Variants in ZNF322 observed in about 807,000 individuals in gnomAD.
ZNF322 encodes HLA complex group 12.
A neutral mutation model predicts 18.3 loss-of-function variants in ZNF322; 1 was observed. The observed-to-expected ratio is 0.05, with a 90% CI of 0.02 to 0.26. The LOEUF (loss-of-function observed/expected upper bound fraction) is 0.26. Ranked by LOEUF, ZNF322 falls within the 10% of genes least tolerant of loss-of-function variation. The pLI, the probability that ZNF322 is intolerant of heterozygous loss-of-function variation, is 1.00. For synonymous variants in ZNF322, 17 were observed against 130.7 expected, an observed-to-expected ratio of 0.13 and a Z score of 5.93; for missense variants, 36 against 403.6, an observed-to-expected ratio of 0.09 and a Z score of 7.80.
chr6:26,651,179 C>T (rs782034647), intron 2 of ZNF322, among the ~76,000 whole-genome samples: 76 of 142,182 alleles, frequency 5.3e-4, no homozygotes, highest in Non-Finnish European at 2.3e-4. Flanking sequence ...GGAACAAAGG[C>T]AATAAATACA....
At chr6:26,643,944 C>A (rs968648420) in intron 2 of ZNF322, among the ~76,000 whole-genome samples, 2 of 152,132 alleles carry the variant, frequency 1.3e-5, no homozygotes, top group Admixed American at 6.5e-5. Flanking sequence ...CCCATCTGCA[C>A]AATCTATAGC....
intron 2 of ZNF322, chr6:26,651,263 AG>A (rs1421892876): frequency 1.3e-5 from 2 of 151,806 alleles, no homozygotes; most frequent in Non-Finnish European, 2.9e-5. Flanking sequence ...AAAAAAAAAA[AG>A]AATAAAATTC....
chr6:26,653,973 C>T (rs782399470), intron 2 of ZNF322, among the ~76,000 whole-genome samples: 1 of 152,052 alleles, frequency 6.6e-6, no homozygotes, highest in Non-Finnish European at 1.5e-5. Flanking sequence ...AAAAAAATAA[C>T]TCTAACACAA....
At chr6:26,653,712 T>C (rs1452416976) in intron 2 of ZNF322, among the ~76,000 whole-genome samples, 4 of 152,068 alleles carry the variant, frequency 2.6e-5, no homozygotes, top group African/African-American at 4.8e-5. Flanking sequence ...ACTAATGAGA[T>C]TGGTTATCAT....
chr6:26,642,615 C>T (rs369057994), intron 3 of ZNF322, among the ~76,000 whole-genome samples: 2 of 152,212 alleles, frequency 1.3e-5, no homozygotes, highest in African/African-American at 2.4e-5. Flanking sequence ...CCTTAGACTA[C>T]AAGTCCACAG....
Position 26,645,093 on chromosome 6 carries a change from A to G in ZNF322, c.-245-1365T>C, listed in dbSNP as rs187080694. Among the ~76,000 whole-genome samples the G allele has an allele frequency of 2.0e-5, 3 of 152,254 alleles. No homozygotes were observed. In the East Asian group the frequency reaches 5.8e-4, roughly 29 times the overall value. Reference sequence around the variant, plus strand: ...GCACACCAATTATTTAAAATTGGCCATGGAAGTCAGTGGACAGAAAACTGA... The same window carrying G: ...GCACACCAATTATTTAAAATTGGCCGTGGAAGTCAGTGGACAGAAAACTGA... On this transcript the variant is annotated intron_variant, in intron 2 of 3. Transcript: ENST00000415922.
intron 3 of ZNF322, among the ~76,000 whole-genome samples, chr6:26,638,987 G>T (rs1765418899): frequency 2.0e-5 from 3 of 152,084 alleles, no homozygotes; most frequent in Admixed American, 1.3e-4. Flanking sequence ...ATCTTTCCTT[G>T]CTTCAGTTGA....
At chr6:26,638,753 TTTATA>T in intron 3 of ZNF322, 25 bp from the exon 4 acceptor site, 2 of 857,650 alleles carry the variant, frequency 2.3e-6, no homozygotes, top group South Asian at 4.0e-5. Flanking sequence ...AGAAATATTA[TTTATA>T]TTCCTATGAC....
At chr6:26,649,827 CTGAGTAGCTGGGATTGCAGGCA>C in intron 2 of ZNF322, among the ~76,000 whole-genome samples, 1 of 150,098 alleles carries the variant, frequency 6.7e-6, no homozygotes, top group African/African-American at 2.4e-5. Flanking sequence ...CCTCAGCCTC[CTGAGTAGCTGGGATTGCAGGCA>C]TGCACCACCA....
chr6:26,646,027 G>A lies in ZNF322; in HGVS notation c.-245-2299C>T, dbSNP rs1370722790. On this transcript the variant is annotated intron_variant, in intron 2 of 3. Transcript: ENST00000415922. ...GCCTGGGCAACAACAGCGAAACTCC[G>A]CCTCAAAATAAATAAATAAATAAAT... Among the ~76,000 whole-genome samples the A allele has an allele frequency of 1.1e-4, 16 of 144,046 alleles. No homozygotes were observed. The East Asian group carries it at 2.2e-3, about 20-fold the overall frequency. 94.5% of individuals were successfully genotyped at this position (144,046 alleles called of 152,430 possible). A position where few individuals can be genotyped will look rare whatever the true frequency, so the allele number is the denominator to read the frequency against.
chr6:26,643,486 G>C (rs145553322), intron 3 of ZNF322, among the ~76,000 whole-genome samples, 173 bp downstream of exon 3: 27 of 152,340 alleles, frequency 1.8e-4, no homozygotes, highest in African/African-American at 5.5e-4. Context: ...CAGGTACAAA[G>C]TTGGTGCTTA....
chr6:26,643,634 A>G (rs539855446), intron 3 of ZNF322, 25 bp downstream of exon 3: 1 of 158,234 alleles, frequency 6.3e-6, no homozygotes, highest in African/African-American at 2.4e-5. Flanking sequence ...GGATACTTCA[A>G]AATACTGAAG....
intron 3 of ZNF322, among the ~76,000 whole-genome samples, chr6:26,641,867 G>C (rs958133754): frequency 6.6e-6 from 1 of 152,114 alleles, no homozygotes; most frequent in Admixed American, 6.5e-5. Context: ...ATATGGCCTC[G>C]TGGGAAGGGA....
intron 2 of ZNF322, among the ~76,000 whole-genome samples, chr6:26,649,341 A>C (rs1350449459): frequency 2.6e-5 from 4 of 152,202 alleles, no homozygotes; most frequent in Non-Finnish European, 5.9e-5. Flanking sequence ...TATACAATAA[A>C]GATGACATCT....
rs190966185 is a variant in ZNF322, at chr6:26,654,282, G to A, written c.-246+4276C>T. Among the ~76,000 whole-genome samples, 41 of 152,184 alleles carry A rather than the reference G, an allele frequency of 2.7e-4. 1 individual carries two copies. The South Asian group carries it at 5.0e-3, about 18-fold the overall frequency. On this transcript the variant is annotated intron_variant, in intron 2 of 3. Coordinates refer to ENST00000415922, the MANE Select transcript of ZNF322 (RefSeq NM_024639.5). The stretch of plus-strand genomic sequence containing the variant: ...GAAACGTATATATGTGTGAAATTAC[G>A]TATGTTTATTTTTTTTTCCTAGTAA...
At chr6:26,640,773 CCA>C (rs1391117182) in intron 3 of ZNF322, among the ~76,000 whole-genome samples, 1 of 152,144 alleles carries the variant, frequency 6.6e-6, no homozygotes. Flanking sequence ...TACTTGGCAT[CCA>C]CAGACTCCCA....
chr6:26,653,172 AT>A (rs1444571262), intron 2 of ZNF322, among the ~76,000 whole-genome samples: 6 of 152,314 alleles, frequency 3.9e-5, no homozygotes, highest in African/African-American at 1.4e-4. Flanking sequence ...AGTACATGAA[AT>A]ACCAGTATCA....
rs183661528 is a variant in ZNF322, at chr6:26,657,082, G to A, written c.-246+1476C>T. 2.7e-3 allele frequency among the ~76,000 whole-genome samples: 404 copies of A among 152,080 alleles called. 3 individuals are homozygous for A. The highest frequency in any genetic ancestry group is 9.2e-3 in the Admixed American group (141 of 15,294). ...GCTAACACGGTGAAACCCCGTCTCT[G>A]CTAAAAAGTACAAAAAAATTAGCCA... On this transcript the variant is annotated intron_variant, in intron 2 of 3. Coordinates refer to ENST00000415922, the MANE Select transcript of ZNF322 (RefSeq NM_024639.5).
intron 2 of ZNF322, among the ~76,000 whole-genome samples, chr6:26,654,372 C>T (rs1250647392): frequency 6.6e-6 from 1 of 152,002 alleles, no homozygotes; most frequent in Non-Finnish European, 1.5e-5. Context: ...AGCATTCAGA[C>T]ATGGGTTTCT....
Sources: gnomAD v4.1 joint callset for allele counts (sites outside exome capture counted in the v4.1 genomes callset) on GRCh38, gnomAD v4.1.1 for gene constraint, MANE v1.5 for transcripts, NCBI Gene and HGNC (gene_info 2026-07-23, HGNC 2026-07-21) for gene names.